Variants in DGAT2 observed in about 807,000 individuals in gnomAD.
DGAT2 encodes acyl-CoA retinol O-fatty-acyltransferase.
In DGAT2, 33 loss-of-function variants were observed where a neutral mutation model predicts 48.4. The ratio of observed to expected loss-of-function variants is 0.68; its 90% CI spans 0.52 to 0.91. DGAT2 has a LOEUF of 0.91. Ranked by LOEUF, DGAT2 falls within the 40% of genes least tolerant of loss-of-function variation. The pLI, the probability that DGAT2 is intolerant of heterozygous loss-of-function variation, is 0.00. For synonymous variants in DGAT2, 191 were observed against 194.1 expected (o/e 0.98, Z 0.13); for missense variants, 446 against 493.7 (o/e 0.90, Z 0.92).
At position 75,778,485 on chromosome 11, in the gene DGAT2, A is replaced by G. The variant is rs144542379; in HGVS notation, c.122-6133A>G. On this transcript the variant is annotated intron_variant, in intron 1 of 7. Coordinates refer to ENST00000228027, the MANE Select transcript of DGAT2 (RefSeq NM_032564.5). ...CTCTGGAGATGGGAGGAGCAATGCC[A>G]GTAGCCACCACTTAATCACCTAACA... 2.8e-3 allele frequency among the ~76,000 whole-genome samples: 434 copies of G among 152,322 alleles called. 5 individuals carry two copies. Among genetic ancestry groups the G allele is most frequent in the African/African-American group, 0.01 (417 of 41,576 alleles).
At chr11:75,786,180 G>C (rs1302222675) in intron 2 of DGAT2, among the ~76,000 whole-genome samples, 1 of 150,626 alleles carries the variant, frequency 6.6e-6, no homozygotes, top group Non-Finnish European at 1.5e-5. Context: ...GAAGAACTGA[G>C]CAAACTAAAC....
chr11:75,784,502 A>T, intron 1 of DGAT2, 116 bp from the exon 2 acceptor site: 2 of 1,419,566 alleles, frequency 1.4e-6, no homozygotes, highest in Non-Finnish European at 1.9e-6. Flanking sequence ...GTCTGATTCT[A>T]TAGCTGATGC....
At chr11:75,794,043 AGCAACTTTAATCTGTTTGCCAAGG>A (rs1366363207) in intron 4 of DGAT2, 1 of 152,144 alleles carries the variant, frequency 6.6e-6, no homozygotes, top group Non-Finnish European at 1.5e-5. Context: ...TTGGTTTTTG[AGCAACTTTAATCTGTTTGCCAAGG>A]GCAAAGCGGG....
At chr11:75,773,217 C>T (rs897123570) in intron 1 of DGAT2, among the ~76,000 whole-genome samples, 4 of 152,206 alleles carry the variant, frequency 2.6e-5, no homozygotes, top group African/African-American at 7.2e-5. Flanking sequence ...CCTTGGGCCT[C>T]CTCTGTCCCT....
intron 2 of DGAT2, among the ~76,000 whole-genome samples, chr11:75,785,369 C>T (rs931689672): frequency 2.6e-5 from 4 of 152,216 alleles, no homozygotes; most frequent in African/African-American, 9.6e-5. Context: ...TGCCCTCAGA[C>T]CCCACTCCCA....
chr11:75,774,796 T>G (rs1169858810), intron 1 of DGAT2, among the ~76,000 whole-genome samples: 1 of 152,184 alleles, frequency 6.6e-6, no homozygotes, highest in Non-Finnish European at 1.5e-5. Context: ...TTTTGGAGAT[T>G]CCTTGGTGAC....
At position 75,798,214 on chromosome 11, in the gene DGAT2, C is replaced by T. The variant is rs759855628; in HGVS notation, c.810-13C>T. On this transcript the variant is annotated splice_polypyrimidine_tract_variant and intron_variant, in intron 6 of 7. Transcript: ENST00000228027. ...TAAGTAGGGTATGACAGACCCTGGCCTCTCCCTTCCAGAGCTGACCTGGTT... is the reference window on the plus strand; with the variant it reads ...TAAGTAGGGTATGACAGACCCTGGCTTCTCCCTTCCAGAGCTGACCTGGTT... The T allele has an allele frequency of 4.3e-6, 7 of 1,613,882 alleles. No individual in the cohort carries two copies. The highest frequency in any genetic ancestry group is 2.7e-5 in the African/African-American group (2 of 74,918).
chr11:75,794,044 G>A (rs948457924), intron 4 of DGAT2: 3 of 152,224 alleles, frequency 2.0e-5, no homozygotes, highest in South Asian at 2.1e-4. Context: ...TGGTTTTTGA[G>A]CAACTTTAAT....
chr11:75,800,795 T>C lies in DGAT2; in HGVS notation c.*287T>C. ...TGAAGTGACAAAGGAAACTCAGTCT[T>C]CTTGGGGAAGAAGGATTGCCATTAG... is the stretch of plus-strand genomic sequence containing the variant. On this transcript the variant is annotated 3_prime_UTR_variant, in exon 8 of 8. Coordinates refer to ENST00000228027, the MANE Select transcript of DGAT2 (RefSeq NM_032564.5). 2.8e-6 allele frequency: 1 copy of C among 360,202 alleles called. No homozygotes were observed. Among genetic ancestry groups the C allele is most frequent in the Non-Finnish European group, 5.1e-6 (1 of 195,336 alleles). 22.3% of individuals were successfully genotyped at this position (360,202 alleles called of 1,614,324 possible). A position where few individuals can be genotyped will look rare whatever the true frequency, so the allele number is the denominator to read the frequency against.
At chr11:75,798,897 T>G (rs1945084657) in intron 7 of DGAT2, among the ~76,000 whole-genome samples, 1 of 152,192 alleles carries the variant, frequency 6.6e-6, no homozygotes, top group East Asian at 1.9e-4. Flanking sequence ...GATTGTGTAG[T>G]TTTTTTGAAG....
At position 75,796,461 on chromosome 11, in the gene DGAT2, T is replaced by G; in HGVS notation, c.563T>G (p.Ile188Arg). Residue 188 changes from isoleucine (I) to arginine (R), a missense_variant, in exon 5 of 8, where the codon ATA becomes AGA. By Grantham distance (97) the Ile-to-Arg change is moderately conservative (BLOSUM62 -3). Transcript: ENST00000228027. ...GAAGTGAGCAAGAAGTTCCCAGGCA[T>G]ACGGCCTTACCTGGCTACACTGGCA... is the stretch of plus-strand genomic sequence containing the variant. ...ATEVSKKFPG[I>R]RPYLATLAGN... is the part of the protein sequence containing the mutation. 6.2e-7 allele frequency: 1 copy of G among 1,614,038 alleles called. No individual in the cohort carries two copies. Among genetic ancestry groups the G allele is most frequent in the Non-Finnish European group, 8.5e-7 (1 of 1,180,030 alleles).
intron 5 of DGAT2, 39 bp from the exon 6 acceptor site, chr11:75,797,119 A>C (rs902630200): frequency 6.2e-6 from 9 of 1,442,780 alleles, no homozygotes; most frequent in Non-Finnish European, 7.3e-6. Flanking sequence ...GAGTGGATCC[A>C]TGGGCAACCC....
intron 5 of DGAT2, 92 bp downstream of exon 5, chr11:75,796,624 A>G: frequency 7.4e-7 from 1 of 1,352,198 alleles, no homozygotes; most frequent in South Asian, 1.4e-5. Context: ...CCAACACACC[A>G]TTCCTTGGTG....
chr11:75,796,023 G>T (rs761854935), intron 4 of DGAT2: 1 of 350,412 alleles, frequency 2.9e-6, no homozygotes, highest in Non-Finnish European at 5.3e-6. Flanking sequence ...GGCCCAGAGG[G>T]AGGGAAGGCA....
intron 1 of DGAT2, among the ~76,000 whole-genome samples, chr11:75,782,424 G>A (rs1484116326): frequency 6.6e-6 from 1 of 152,218 alleles, no homozygotes; most frequent in Non-Finnish European, 1.5e-5. Flanking sequence ...TGTCTAGCCA[G>A]GGCATCCAGC....
intron 6 of DGAT2, 32 bp from the exon 7 acceptor site, chr11:75,798,195 G>A (rs1426557767): frequency 1.2e-6 from 2 of 1,610,596 alleles, no homozygotes; most frequent in Non-Finnish European, 1.7e-6. Context: ...CCAGTAAGTA[G>A]GGTATGACAG....
chr11:75,779,363 G>C (rs1222042689), intron 1 of DGAT2, among the ~76,000 whole-genome samples: 2 of 152,184 alleles, frequency 1.3e-5, no homozygotes, highest in Non-Finnish European at 2.9e-5. Flanking sequence ...TTGTAGAGAT[G>C]ATGAGGGACT....
At chr11:75,796,856 C>T (rs911890542) in intron 5 of DGAT2, 2 of 459,714 alleles carry the variant, frequency 4.4e-6, no homozygotes, top group South Asian at 7.0e-5. Flanking sequence ...AGACCTCCCA[C>T]CAGACTGATG....
rs778423401 is a variant in DGAT2 at position 75,798,296 on chromosome 11, C to T, written c.879C>T (p.Gly293=). 3 of 1,614,216 alleles carry T rather than the reference C, an allele frequency of 1.9e-6. No individual in the cohort carries two copies. Among genetic ancestry groups the T allele is most frequent in the South Asian group, 2.2e-5 (2 of 91,088 alleles). Residue 293 remains glycine, a synonymous_variant, in exon 7 of 8, where the codon GGC becomes GGT. Coordinates refer to ENST00000228027, the MANE Select transcript of DGAT2 (RefSeq NM_032564.5). ...ACAAGCAGGTGATCTTCGAGGAGGG[C>T]TCCTGGGGCCGATGGGTCCAGAAGA... is the stretch of plus-strand genomic sequence containing the variant. The part of the protein sequence containing the change: ...EVYKQVIFEE[G]SWGRWVQKKF...
Sources: gnomAD v4.1 joint callset for allele counts (sites outside exome capture counted in the v4.1 genomes callset) on GRCh38, gnomAD v4.1.1 for gene constraint, MANE v1.5 for transcripts, NCBI Gene and HGNC (gene_info 2026-07-23, HGNC 2026-07-21) for gene names.